Variants in PLPPR1 observed in about 807,000 individuals in gnomAD.
The protein encoded by PLPPR1 is phospholipid phosphatase related 1, also known as phospholipid phosphatase-related protein type 1.
Under a neutral mutation model 33.1 loss-of-function variants are expected in PLPPR1, and 10 were observed. The observed-to-expected ratio is 0.30, with a 90% CI of 0.19 to 0.51. The LOEUF (loss-of-function observed/expected upper bound fraction) is 0.51, where lower values mean the gene tolerates loss of function less well. Ranked by LOEUF, PLPPR1 falls within the 20% of genes least tolerant of loss-of-function variation. The pLI is 0.97. For missense variants in PLPPR1, 304 were observed against 408.1 expected, an observed-to-expected ratio of 0.74 and a Z score of 2.20; for synonymous variants, 151 against 151.0, an observed-to-expected ratio of 1.00 and a Z score of 0.00.
At chr9:101,062,776 A>G (rs1830362402) in intron 1 of PLPPR1, among the ~76,000 whole-genome samples, 3 of 151,802 alleles carry the variant, frequency 2.0e-5, no homozygotes, top group Non-Finnish European at 4.4e-5. Flanking sequence ...GGCAAAAATA[A>G]TAGGCTCTAT....
chr9:101,178,295 G>C (rs1361559711), intron 1 of PLPPR1, among the ~76,000 whole-genome samples: 9 of 152,210 alleles, frequency 5.9e-5, no homozygotes, highest in Non-Finnish European at 1.0e-4. Flanking sequence ...TACTGCCACT[G>C]CTGAGTGCCC....
chr9:101,112,624 C>A (rs1303574223), intron 1 of PLPPR1, among the ~76,000 whole-genome samples: 3 of 152,186 alleles, frequency 2.0e-5, no homozygotes, highest in African/African-American at 4.8e-5. Context: ...ATAGTTACCC[C>A]AAGCAGTGCA....
At chr9:101,210,380 T>C (rs1353759995) in intron 2 of PLPPR1, among the ~76,000 whole-genome samples, 1 of 152,186 alleles carries the variant, frequency 6.6e-6, no homozygotes, top group African/African-American at 2.4e-5. Flanking sequence ...TGTGGGGCTT[T>C]GTATGGGAAG....
At position 101,316,959 on chromosome 9, in the gene PLPPR1, G is replaced by A. The variant is rs535655909; in HGVS notation, c.814-406G>A. 1.1e-3 allele frequency among the ~76,000 whole-genome samples: 162 copies of A among 152,274 alleles called. 2 individuals carry two copies. The highest frequency in any genetic ancestry group is 3.8e-3 in the African/African-American group (156 of 41,566). On this transcript the variant is annotated intron_variant, in intron 6 of 7. Transcript: ENST00000374874. ...CCTGTGCCCCCCTATCTAGACTGGA[G>A]ATAATAGTACCTCCCTTATGAAATT...
intron 2 of PLPPR1, among the ~76,000 whole-genome samples, chr9:101,223,213 G>A (rs1826989288): frequency 1.3e-5 from 2 of 151,044 alleles, no homozygotes; most frequent in African/African-American, 4.9e-5. Context: ...GGATGAGCCT[G>A]TAGTGCCAGC....
chr9:101,075,814 T>A lies in PLPPR1; in HGVS notation c.-46+46712T>A, dbSNP rs1338405194. ...AGGGATAGAAAATAAAATAGGACAG[T>A]GGTGTAGATGGAGAGTGGTTGGATG... is the stretch of plus-strand genomic sequence containing the variant. On this transcript the variant is annotated intron_variant, in intron 1 of 7. Transcript: ENST00000374874. 2.0e-5 allele frequency among the ~76,000 whole-genome samples: 3 copies of A among 151,884 alleles called. No homozygotes were observed. In the East Asian group the frequency reaches 5.8e-4, roughly 29 times the overall value.
At chr9:101,064,385 G>T (rs1036034955) in intron 1 of PLPPR1, among the ~76,000 whole-genome samples, 2 of 151,892 alleles carry the variant, frequency 1.3e-5, no homozygotes, top group Non-Finnish European at 2.9e-5. Context: ...TAGGGTTATG[G>T]AATGAATATT....
intron 1 of PLPPR1, among the ~76,000 whole-genome samples, chr9:101,149,946 T>C (rs1486252516): frequency 6.6e-6 from 1 of 152,168 alleles, no homozygotes; most frequent in East Asian, 1.9e-4. Flanking sequence ...CTTTGACTTC[T>C]ACATCTATCA....
intron 1 of PLPPR1, among the ~76,000 whole-genome samples, chr9:101,131,990 T>C (rs1295392906): frequency 6.6e-6 from 1 of 152,238 alleles, no homozygotes; most frequent in Non-Finnish European, 1.5e-5. Flanking sequence ...CAACAGTATC[T>C]GGCTTATAGC....
Position 101,060,749 on chromosome 9 carries a change from TA to T in PLPPR1, c.-46+31650del, listed in dbSNP as rs1253045277. On this transcript the variant is annotated intron_variant, in intron 1 of 7. Transcript: ENST00000374874. ...ACATTTAAATGTGTGTTTTTCTCTC[TA>T]AAGTTGTCACTTTAGAATTTCTATA... Among the ~76,000 whole-genome samples the T allele has an allele frequency of 8.5e-5, 13 of 152,070 alleles. No individual in the cohort carries two copies. In the East Asian group the frequency reaches 2.1e-3, roughly 25 times the overall value.
At chr9:101,189,124 T>G (rs554259828) in intron 2 of PLPPR1, among the ~76,000 whole-genome samples, 5 of 152,074 alleles carry the variant, frequency 3.3e-5, no homozygotes, top group Admixed American at 3.3e-4. Context: ...GAACATGTGC[T>G]CAAAGTGGTC....
chr9:101,210,912 C>T (rs368434640), intron 2 of PLPPR1, among the ~76,000 whole-genome samples: 3 of 152,228 alleles, frequency 2.0e-5, no homozygotes, highest in South Asian at 2.1e-4. Flanking sequence ...GGACTACAGG[C>T]GCCTGCCACC....
intron 1 of PLPPR1, among the ~76,000 whole-genome samples, chr9:101,126,149 T>A (rs1329863812): frequency 6.6e-6 from 1 of 152,226 alleles, no homozygotes; most frequent in East Asian, 1.9e-4. Flanking sequence ...GCCTTTCCTG[T>A]TGGATTAGTA....
At chr9:101,196,847 A>G (rs1322004047) in intron 2 of PLPPR1, among the ~76,000 whole-genome samples, 3 of 151,956 alleles carry the variant, frequency 2.0e-5, no homozygotes, top group Non-Finnish European at 2.9e-5. Context: ...CCTGGGCGAC[A>G]GAGCAAGACT....
chr9:101,244,825 G>A (rs1827556017), intron 2 of PLPPR1, among the ~76,000 whole-genome samples: 1 of 152,006 alleles, frequency 6.6e-6, no homozygotes, highest in Non-Finnish European at 1.5e-5. Context: ...ATATGTATCT[G>A]ATAGAAGATT....
chr9:101,266,410 AAG>A lies in PLPPR1; in HGVS notation c.64-3468_64-3467del, dbSNP rs1345282241. 6.4e-4 allele frequency among the ~76,000 whole-genome samples: 96 copies of A among 149,354 alleles called. 1 individual carries two copies. Among genetic ancestry groups the A allele is most frequent in the African/African-American group, 2.1e-3 (85 of 40,748 alleles). Reference sequence around the variant, plus strand: ...GACCCTGTCTCCAAAAAAAAAAAGAAAGAAAGAAAGAAAGAAATAAAGAAAAA... The same window carrying A: ...GACCCTGTCTCCAAAAAAAAAAAGAAAAAGAAAGAAAGAAATAAAGAAAAA... On this transcript the variant is annotated intron_variant, in intron 2 of 7. Coordinates refer to ENST00000374874, the MANE Select transcript of PLPPR1 (RefSeq NM_207299.2).
chr9:101,223,497 G>C (rs1462296557), intron 2 of PLPPR1, among the ~76,000 whole-genome samples: 1 of 152,090 alleles, frequency 6.6e-6, no homozygotes, highest in African/African-American at 2.4e-5. Context: ...ATATGGTTAG[G>C]CTTTGTGTCC....
chr9:101,095,920 C>T (rs1485796538), intron 1 of PLPPR1, among the ~76,000 whole-genome samples: 2 of 152,140 alleles, frequency 1.3e-5, no homozygotes, highest in Non-Finnish European at 2.9e-5. Flanking sequence ...GCAATTGTAA[C>T]ATCATGAAGT....
At chr9:101,225,257 T>C (rs559875591) in intron 2 of PLPPR1, among the ~76,000 whole-genome samples, 37 of 152,248 alleles carry the variant, frequency 2.4e-4, no homozygotes, top group Non-Finnish European at 4.3e-4. Flanking sequence ...CAGCAATTCC[T>C]CCTTAAGTGA....
Sources: gnomAD v4.1 joint callset for allele counts (sites outside exome capture counted in the v4.1 genomes callset) on GRCh38, gnomAD v4.1.1 for gene constraint, MANE v1.5 for transcripts, NCBI Gene and HGNC (gene_info 2026-07-23, HGNC 2026-07-21) for gene names.